HHAT: variants seen among roughly 807,000 people sequenced by gnomAD.
The protein encoded by HHAT is hedgehog acyltransferase, also known as protein-cysteine N-palmitoyltransferase HHAT.
A neutral mutation model predicts 70.8 loss-of-function variants in HHAT; 47 were observed. That is an observed-to-expected ratio of 0.66 (90% CI 0.53 to 0.85). The LOEUF (loss-of-function observed/expected upper bound fraction) is 0.85, where lower values mean the gene tolerates loss of function less well. HHAT is among the 40% of genes least tolerant of loss of function. The pLI is 0.00. For synonymous variants in HHAT, 228 were observed against 247.6 expected (o/e 0.92, Z 0.74); for missense variants, 609 against 604.8 (o/e 1.01, Z -0.07).
At chr1:210,341,085 CT>C (rs1048783177) in intron 1 of HHAT, among the ~76,000 whole-genome samples, 5 of 152,322 alleles carry the variant, frequency 3.3e-5, no homozygotes, top group Admixed American at 2.6e-4. Context: ...GTAAATAGTA[CT>C]TGTTATAGTA....
At chr1:210,422,320 A>G (rs530219942) in intron 7 of HHAT, among the ~76,000 whole-genome samples, 3 of 152,338 alleles carry the variant, frequency 2.0e-5, no homozygotes, top group South Asian at 2.1e-4. Flanking sequence ...TATGTAATAT[A>G]TTATTAACTC....
chr1:210,548,817 G>A (rs944398366), intron 9 of HHAT, among the ~76,000 whole-genome samples: 1 of 152,132 alleles, frequency 6.6e-6, no homozygotes, highest in Admixed American at 6.5e-5. Context: ...TTGTGATGAG[G>A]GCATATTTAT....
chr1:210,631,055 TC>T, intron 11 of HHAT: 1 of 456,736 alleles, frequency 2.2e-6, no homozygotes, highest in South Asian at 1.5e-5. Context: ...TCCAGGGCTT[TC>T]CTGTGTTTCT....
At chr1:210,365,849 C>G (rs918217955) in intron 3 of HHAT, among the ~76,000 whole-genome samples, 4 of 151,994 alleles carry the variant, frequency 2.6e-5, no homozygotes, top group African/African-American at 9.7e-5. Context: ...CTCCTGACCT[C>G]AAGTGATCCA....
intron 1 of HHAT, among the ~76,000 whole-genome samples, chr1:210,332,064 A>C (rs138475986): frequency 0.018 from 2,669 of 152,322 alleles, 29 homozygotes; most frequent in Middle Eastern, 0.034. Context: ...TGTGGTTGAT[A>C]ATTTTAATCA....
chr1:210,372,838 GC>G (rs1205507108), intron 3 of HHAT, among the ~76,000 whole-genome samples: 2 of 151,104 alleles, frequency 1.3e-5, no homozygotes, highest in Admixed American at 1.3e-4. Flanking sequence ...GGGATTACAG[GC>G]GTGAGCCACT....
upstream of HHAT, among the ~76,000 whole-genome samples, chr1:210,327,557 G>A (rs559733459): frequency 6.6e-6 from 1 of 152,256 alleles, no homozygotes; most frequent in East Asian, 1.9e-4. Flanking sequence ...CCAGGTTGGA[G>A]TGCAGTGGTG....
Position 210,387,479 on chromosome 1 carries a change from CT to C in HHAT, c.174del (p.Phe58LeufsTer23). ...TTTGTCCTATTTAGGATGCGACCGA[CT>C]TTGAGTGGAGCTTCTGGATGGAATG... is the stretch of plus-strand genomic sequence containing the variant. ...FGGLKKDATD[F>X]EWSFWMEWGK... On this transcript the variant is annotated frameshift_variant, in exon 4 of 12. Coordinates refer to ENST00000261458, the MANE Select transcript of HHAT (RefSeq NM_018194.6). LOFTEE classifies it high-confidence loss of function. The C allele has an allele frequency of 6.2e-7, 1 of 1,614,014 alleles. No homozygotes were observed. Among genetic ancestry groups the C allele is most frequent in the Non-Finnish European group, 8.5e-7 (1 of 1,179,930 alleles).
intron 11 of HHAT, among the ~76,000 whole-genome samples, chr1:210,673,752 T>A (rs1392102608): frequency 7.2e-6 from 1 of 138,200 alleles, no homozygotes; most frequent in Non-Finnish European, 1.6e-5. Flanking sequence ...CCACCATGCC[T>A]GGCTTATTTA....
chr1:210,516,682 G>A (rs896445213), intron 9 of HHAT, among the ~76,000 whole-genome samples: 11 of 152,016 alleles, frequency 7.2e-5, no homozygotes, highest in Non-Finnish European at 1.6e-4. Flanking sequence ...GCTCCAACAA[G>A]CTCTTAATGT....
At chr1:210,385,298 G>A (rs1364268826) in intron 3 of HHAT, among the ~76,000 whole-genome samples, 1 of 125,156 alleles carries the variant, frequency 8.0e-6, no homozygotes, top group African/African-American at 3.1e-5. Context: ...AAAGTGTCTT[G>A]GCTTTTGTGT....
chr1:210,625,620 T>C (rs762645795), intron 11 of HHAT, among the ~76,000 whole-genome samples: 1 of 152,202 alleles, frequency 6.6e-6, no homozygotes, highest in Non-Finnish European at 1.5e-5. Flanking sequence ...AGTAATAATT[T>C]AGGAGTTTGC....
At chr1:210,430,863 T>G (rs1407537932) in intron 7 of HHAT, among the ~76,000 whole-genome samples, 1 of 151,966 alleles carries the variant, frequency 6.6e-6, no homozygotes, top group Non-Finnish European at 1.5e-5. Context: ...CTTTGATGCT[T>G]TTGTATCTGT....
chr1:210,427,536 AT>A (rs2093102215), intron 7 of HHAT, among the ~76,000 whole-genome samples: 1 of 152,078 alleles, frequency 6.6e-6, no homozygotes, highest in African/African-American at 2.4e-5. Flanking sequence ...GAACTTGCTA[AT>A]TTTTGCCTTA....
At chr1:210,361,839 C>T (rs1460918178) in intron 2 of HHAT, among the ~76,000 whole-genome samples, 2 of 152,144 alleles carry the variant, frequency 1.3e-5, no homozygotes, top group East Asian at 1.9e-4. Flanking sequence ...TTCCTTTGAG[C>T]TCCACCCGCA....
intron 10 of HHAT, among the ~76,000 whole-genome samples, chr1:210,598,086 G>T (rs1392906075): frequency 6.6e-6 from 1 of 151,852 alleles, no homozygotes; most frequent in Non-Finnish European, 1.5e-5. Context: ...AAAGCAGTGG[G>T]TTCCCTTTTG....
At chr1:210,561,385 G>C (rs2095621627) in intron 9 of HHAT, among the ~76,000 whole-genome samples, 1 of 152,220 alleles carries the variant, frequency 6.6e-6, no homozygotes, top group South Asian at 2.1e-4. Context: ...TAAATGAAGA[G>C]GTTGGGCAAA....
At chr1:210,356,974 G>A (rs1029569231) in intron 2 of HHAT, among the ~76,000 whole-genome samples, 1 of 152,356 alleles carries the variant, frequency 6.6e-6, no homozygotes. Flanking sequence ...AACTTCTCCT[G>A]TAGGAGCTGG....
rs896678047 is a variant in HHAT at position 210,401,224 on chromosome 1, C to T, written c.468+562C>T. On this transcript the variant is annotated intron_variant, in intron 5 of 11. Transcript: ENST00000261458. Reference sequence around the variant, plus strand: ...CCGCCTCCTGGGTTCAAGCGATTCTCGTGCCTCAGTCAACCGAGTGGGTGG... The same window carrying T: ...CCGCCTCCTGGGTTCAAGCGATTCTTGTGCCTCAGTCAACCGAGTGGGTGG... 7.8e-4 allele frequency among the ~76,000 whole-genome samples: 119 copies of T among 152,322 alleles called. 1 individual carries two copies. Among genetic ancestry groups the T allele is most frequent in the African/African-American group, 2.8e-3 (116 of 41,568 alleles).
Sources: gnomAD v4.1 joint callset for allele counts (sites outside exome capture counted in the v4.1 genomes callset) on GRCh38, gnomAD v4.1.1 for gene constraint, MANE v1.5 for transcripts, NCBI Gene and HGNC (gene_info 2026-07-23, HGNC 2026-07-21) for gene names.